SCLT1: variants seen among roughly 807,000 people sequenced by gnomAD.
The protein encoded by SCLT1 is sodium channel and clathrin linker 1, also known as sodium channel-associated protein 1.
SCLT1 carries 78 observed loss-of-function variants against 112.8 expected under a neutral mutation model. The ratio of observed to expected loss-of-function variants is 0.69; its 90% CI spans 0.58 to 0.83. The LOEUF (loss-of-function observed/expected upper bound fraction) is 0.83. Among genes scored for constraint, SCLT1 ranks in the 40% least tolerant of loss-of-function variants. SCLT1 has a pLI of 0.00. For synonymous variants in SCLT1, 257 were observed against 254.7 expected, an observed-to-expected ratio of 1.01 and a Z score of -0.09; for missense variants, 747 against 770.4, an observed-to-expected ratio of 0.97 and a Z score of 0.36.
intron 20 of SCLT1, among the ~76,000 whole-genome samples, chr4:128,885,960 A>AT (rs61282193): frequency 0.022 from 3,416 of 152,062 alleles, 112 homozygotes; most frequent in African/African-American, 0.074. Context: ...GGACTGTGGC[A>AT]TTTTTTGAAA....
intron 18 of SCLT1, among the ~76,000 whole-genome samples, chr4:128,905,333 C>T (rs534741928): frequency 6.6e-6 from 1 of 152,252 alleles, no homozygotes; most frequent in African/African-American, 2.4e-5. Context: ...CTCTCCATCT[C>T]CACTGAAGAT....
chr4:128,885,761 C>T (rs1732847786), intron 20 of SCLT1, among the ~76,000 whole-genome samples: 1 of 152,188 alleles, frequency 6.6e-6, no homozygotes, highest in African/African-American at 2.4e-5. Context: ...CCAACATGTG[C>T]TTATATCAAT....
rs191584847 is a variant in SCLT1, at chr4:128,945,253, C to A, written c.1439+754G>T. On this transcript the variant is annotated intron_variant, in intron 16 of 20. Transcript: ENST00000281142. ...TATGGATATACACATTGGAGAGAAACCCCGTGAATGTATGGTATTGGGAAA... is the reference window on the plus strand; with the variant it reads ...TATGGATATACACATTGGAGAGAAAACCCGTGAATGTATGGTATTGGGAAA... Among the ~76,000 whole-genome samples the A allele has an allele frequency of 1.9e-3, 289 of 152,158 alleles. 1 individual carries two copies. The highest frequency in any genetic ancestry group is 6.6e-3 in the African/African-American group (276 of 41,516).
intron 18 of SCLT1, among the ~76,000 whole-genome samples, chr4:128,914,049 T>G (rs948838817): frequency 6.6e-6 from 1 of 152,098 alleles, no homozygotes; most frequent in African/African-American, 2.4e-5. Flanking sequence ...ACTGGGCGAT[T>G]TGGATATCAT....
intron 1 of SCLT1, among the ~76,000 whole-genome samples, chr4:129,085,465 A>G (rs1433912844): frequency 1.3e-5 from 2 of 152,198 alleles, no homozygotes; most frequent in Non-Finnish European, 2.9e-5. Context: ...CGATTCCTCA[A>G]ACACCTAAAG....
intron 18 of SCLT1, among the ~76,000 whole-genome samples, chr4:128,917,490 T>C (rs117852017): frequency 6.6e-6 from 1 of 152,340 alleles, no homozygotes; most frequent in East Asian, 1.9e-4. Flanking sequence ...TCCATTTCAA[T>C]TTCCAGGATG....
chr4:129,035,500 T>G (rs1747100147), intron 5 of SCLT1, among the ~76,000 whole-genome samples: 1 of 152,000 alleles, frequency 6.6e-6, no homozygotes, highest in Non-Finnish European at 1.5e-5. Context: ...CTGAGCACAT[T>G]GCCACTGGAA....
At chr4:128,984,695 A>G (rs1432746194) in intron 9 of SCLT1, among the ~76,000 whole-genome samples, 2 of 152,130 alleles carry the variant, frequency 1.3e-5, no homozygotes, top group African/African-American at 2.4e-5. Flanking sequence ...ACATATGCCA[A>G]AAATCTTATA....
chr4:128,916,597 A>C (rs939060271), intron 18 of SCLT1, among the ~76,000 whole-genome samples: 1 of 152,208 alleles, frequency 6.6e-6, no homozygotes, highest in Non-Finnish European at 1.5e-5. Context: ...GTCCATCATT[A>C]AGGAAGAAAC....
rs140273424 is a variant in SCLT1 at position 128,973,181 on chromosome 4, T to C, written c.687-2713A>G. Among the ~76,000 whole-genome samples the C allele has an allele frequency of 1.6e-3, 247 of 152,236 alleles. 2 individuals are homozygous for C. The highest frequency in any genetic ancestry group is 0.013 in the East Asian group (69 of 5,184). On this transcript the variant is annotated intron_variant, in intron 9 of 20. Transcript: ENST00000281142. Reference sequence around the variant, plus strand: ...TAACTTCTCCTTGGCAAAAACCCTATATCTCAATACTTATAATATATAATA... The same window carrying C: ...TAACTTCTCCTTGGCAAAAACCCTACATCTCAATACTTATAATATATAATA...
intron 9 of SCLT1, among the ~76,000 whole-genome samples, chr4:128,984,256 A>G (rs1741909844): frequency 6.6e-6 from 1 of 152,176 alleles, no homozygotes; most frequent in South Asian, 2.1e-4. Context: ...TCTACTCATC[A>G]TACTTTTTTC....
chr4:128,874,464 A>C (rs1403599098), exon 5 of SCLT1: 1 of 152,178 alleles, frequency 6.6e-6, no homozygotes, highest in Admixed American at 6.6e-5. Flanking sequence ...GTTCCAAGTT[A>C]TGCTGAACCA....
intron 2 of SCLT1, among the ~76,000 whole-genome samples, chr4:129,059,385 G>A (rs1229089419): frequency 6.6e-6 from 1 of 152,044 alleles, no homozygotes; most frequent in Non-Finnish European, 1.5e-5. Context: ...ATTGTGGTTT[G>A]GTAGTTTTCT....
chr4:128,895,400 A>C (rs318512), intron 18 of SCLT1, among the ~76,000 whole-genome samples: 116,340 of 152,182 alleles, frequency 0.76, 45,484 homozygotes, highest in African/African-American at 0.94. Context: ...TTATCCCCAA[A>C]AGGAACCTTC....
At position 129,039,021 on chromosome 4, in the gene SCLT1, C is replaced by A. The variant is rs755500139; in HGVS notation, c.290+20G>T. 3 of 1,361,204 alleles carry A rather than the reference C, an allele frequency of 2.2e-6. No individual in the cohort carries two copies. Among genetic ancestry groups the A allele is most frequent in the South Asian group, 1.2e-5 (1 of 85,086 alleles). 84.3% of individuals were successfully genotyped at this position (1,361,204 alleles called of 1,614,324 possible). On this transcript the variant is annotated intron_variant, in intron 5 of 20. Coordinates refer to ENST00000281142, the MANE Select transcript of SCLT1 (RefSeq NM_144643.4). ...CCTAAGACAATAATAAAAGATAAAA[C>A]CAATAGTTAATTGATTTACCTTTCA...
At chr4:128,908,849 G>C (rs187013968) in intron 18 of SCLT1, among the ~76,000 whole-genome samples, 1 of 152,282 alleles carries the variant, frequency 6.6e-6, no homozygotes, top group East Asian at 1.9e-4. Context: ...GAAACCACGT[G>C]TTAAAGAAGG....
At chr4:129,079,982 T>C (rs963001836) in intron 2 of SCLT1, among the ~76,000 whole-genome samples, 2 of 152,236 alleles carry the variant, frequency 1.3e-5, no homozygotes, top group African/African-American at 4.8e-5. Context: ...GACTGCGATG[T>C]TATCTGGGGC....
At chr4:128,882,780 T>A (rs1264301231), downstream of SCLT1, among the ~76,000 whole-genome samples, 2 of 152,142 alleles carry the variant, frequency 1.3e-5, no homozygotes, top group East Asian at 1.9e-4. Flanking sequence ...AAGAAGGGGA[T>A]CTTACTGAGG....
intron 5 of SCLT1, among the ~76,000 whole-genome samples, chr4:129,032,545 A>T (rs1374004375): frequency 1.3e-5 from 2 of 152,172 alleles, no homozygotes; most frequent in African/African-American, 4.8e-5. Context: ...CATCAGAGTG[A>T]ACAGGCAACC....
Sources: allele counts gnomAD v4.1 joint callset (sites outside exome capture counted in the v4.1 genomes callset), GRCh38; gene constraint gnomAD v4.1.1; transcripts MANE v1.5; gene names NCBI Gene and HGNC (gene_info 2026-07-23, HGNC 2026-07-21).